CROCC2: variants seen among roughly 807,000 people sequenced by gnomAD.
The protein encoded by CROCC2 is ciliary rootlet coiled-coil protein 2.
Under a neutral mutation model 177.6 loss-of-function variants are expected in CROCC2, and 163 were observed. That is an observed-to-expected ratio of 0.92 (90% confidence interval 0.81 to 1.05). The LOEUF is 1.05. Among genes scored for constraint, CROCC2 ranks in the 50% least tolerant of loss-of-function variants. The pLI, the probability that CROCC2 is intolerant of heterozygous loss-of-function variation, is 0.00. For missense variants in CROCC2, 1,929 were observed against 1,797.8 expected (o/e 1.07, Z -1.32); for synonymous variants, 904 against 787.3 (o/e 1.15, Z -2.48).
At chr2:240,987,711 C>T (rs912841319) in intron 28 of CROCC2, among the ~76,000 whole-genome samples, 1 of 152,252 alleles carries the variant, frequency 6.6e-6, no homozygotes, top group African/African-American at 2.4e-5. Flanking sequence ...CGACAGAGGG[C>T]ATTGGGGCCA....
intron 5 of CROCC2, among the ~76,000 whole-genome samples, chr2:240,926,239 G>A (rs146861299): frequency 6.6e-6 from 1 of 152,362 alleles, no homozygotes; most frequent in African/African-American, 2.4e-5. Flanking sequence ...CTTGGAAGGA[G>A]CCTGGGGCTG....
In CROCC2 at chr2:240,933,351, G is replaced by A; in HGVS notation, c.1463+9G>A. On this transcript the variant is annotated intron_variant, in intron 10 of 31. Transcript: ENST00000690015. ...TGCAAGCTCCTGGGGAGGTAATGGGGTGAAGGGGTTGCACGGCCTTGCACA... is the reference window on the plus strand; with the variant it reads ...TGCAAGCTCCTGGGGAGGTAATGGGATGAAGGGGTTGCACGGCCTTGCACA... 6.6e-7 allele frequency: 1 copy of A among 1,504,522 alleles called. No homozygotes were observed. The highest frequency in any genetic ancestry group is 8.9e-7 in the Non-Finnish European group (1 of 1,129,738). The allele number at this position is 1,504,522 out of a possible 1,614,324, so 93.2% of individuals were successfully genotyped here.
At chr2:240,984,607 C>CACA in intron 28 of CROCC2, among the ~76,000 whole-genome samples, 1 of 126,084 alleles carries the variant, frequency 7.9e-6, no homozygotes. Context: ...TCCACACACA[C>CACA]CCAGGCACTC....
At chr2:240,948,932 G>C in intron 15 of CROCC2, 47 bp from the exon 16 acceptor site, 2 of 1,528,780 alleles carry the variant, frequency 1.3e-6, no homozygotes, top group Non-Finnish European at 1.8e-6. Flanking sequence ...CATTTTACAC[G>C]CAGGATCTTG....
chr2:240,963,432 C>T, intron 20 of CROCC2, 124 bp from the exon 21 acceptor site: 1 of 1,022,708 alleles, frequency 9.8e-7, no homozygotes, highest in Non-Finnish European at 1.4e-6. Flanking sequence ...GAGCAAAGCG[C>T]ATGGGGACCA....
intron 28 of CROCC2, among the ~76,000 whole-genome samples, chr2:240,988,209 AG>A (rs1213268639): frequency 6.6e-6 from 1 of 152,210 alleles, no homozygotes; most frequent in Non-Finnish European, 1.5e-5. Context: ...ACATTGGGGC[AG>A]CCTACAGCCT....
chr2:240,971,917 T>C (rs971136524), intron 27 of CROCC2, among the ~76,000 whole-genome samples: 1 of 152,158 alleles, frequency 6.6e-6, no homozygotes, highest in Non-Finnish European at 1.5e-5. Flanking sequence ...CTGCTGCTCC[T>C]GTCCCCACGG....
intron 21 of CROCC2, 129 bp from the exon 22 acceptor site, chr2:240,964,337 G>A: frequency 8.7e-7 from 1 of 1,144,322 alleles, no homozygotes; most frequent in Non-Finnish European, 1.2e-6. Flanking sequence ...TGCAGAGGCT[G>A]AGTTTGAGGA....
Position 240,993,099 on chromosome 2 carries a change from A to G in CROCC2, c.*18A>G. On this transcript the variant is annotated 3_prime_UTR_variant, in exon 32 of 32. Transcript: ENST00000690015. ...GGGACTGAAGCTCCCAGCACAGGGG[A>G]GGCGCCCAGCGTGGCTGCAGAGGAA... 1 of 716,248 alleles carries G rather than the reference A, an allele frequency of 1.4e-6. No homozygotes were observed. 44.4% of individuals were successfully genotyped at this position (716,248 alleles called of 1,614,324 possible). A position where few individuals can be genotyped will look rare whatever the true frequency, so the allele number is the denominator to read the frequency against.
chr2:240,939,469 C>T (rs1266392080), intron 14 of CROCC2, among the ~76,000 whole-genome samples: 2 of 129,516 alleles, frequency 1.5e-5, no homozygotes, highest in East Asian at 4.3e-4. Flanking sequence ...TCCTTGGAAT[C>T]ATCAGATTTG....
intron 26 of CROCC2, 86 bp from the exon 27 acceptor site, chr2:240,968,043 C>T: frequency 9.3e-6 from 12 of 1,287,088 alleles, no homozygotes; most frequent in Non-Finnish European, 1.2e-5. Flanking sequence ...GGGAGCCAGT[C>T]ACTCAAGTCC....
chr2:240,934,368 G>T lies in CROCC2; in HGVS notation c.1684G>T (p.Gly562Trp), dbSNP rs559293478. Residue 562 changes from glycine to tryptophan, a missense_variant, in exon 12 of 32, where the codon GGG becomes TGG. Gly to Trp is a radical substitution (Grantham distance 184, BLOSUM62 -2). Transcript: ENST00000690015. The part of the protein sequence containing the change: ...RLQQLEEKVS[G>W]LREELASVRE... ...GCAGCAGCTGGAGGAGAAGGTCTCC[G>T]GGCTCAGAGAGGAGCTGGCATCGGT... The T allele has an allele frequency of 7.7e-6, 12 of 1,548,640 alleles. No homozygotes were observed. Among genetic ancestry groups the T allele is most frequent in the Admixed American group, 5.9e-5 (3 of 50,982 alleles).
intron 28 of CROCC2, chr2:240,986,221 G>A (rs990108497): frequency 3.2e-6 from 1 of 308,058 alleles, no homozygotes; most frequent in Non-Finnish European, 6.4e-6. Flanking sequence ...TGGGTCCAAG[G>A]TGCAGGGTGG....
chr2:240,988,864 G>A lies in CROCC2; in HGVS notation c.4677G>A (p.Gln1559=). ...ACGGAGCCCTGAGGCAAAATCAGCA[G>A]CTGCAGGTCAACTGGGCCAGTGGAG... The part of the protein sequence containing the change: ...EVDGALRQNQ[Q]LQAQMTEMEQ... The change falls in exon 29 of 32, where the codon CAG becomes CAA. Residue 1559 remains glutamine (Q), a synonymous_variant. Transcript: ENST00000690015. 1 of 1,480,314 alleles carries A rather than the reference G, an allele frequency of 6.8e-7. No individual in the cohort carries two copies. Among genetic ancestry groups the A allele is most frequent in the Admixed American group, 2.2e-5 (1 of 44,936 alleles). The allele number at this position is 1,480,314 out of a possible 1,614,324, so 91.7% of individuals were successfully genotyped here.
chr2:240,981,391 C>T (rs6437222), intron 27 of CROCC2: 17,576 of 152,310 alleles, frequency 0.12, 1,146 homozygotes, highest in African/African-American at 0.17. Flanking sequence ...ACTGAATCCA[C>T]GTTTTCAAGG....
At position 240,962,018 on chromosome 2, in the gene CROCC2, ACACACACACACGCACG is replaced by A. The variant is rs1311824043; in HGVS notation, c.3088-1530_3088-1515del. Among the ~76,000 whole-genome samples the A allele has an allele frequency of 3.5e-3, 106 of 30,254 alleles. 2 individuals are homozygous for A. Among genetic ancestry groups the A allele is most frequent in the African/African-American group, 7.8e-3 (85 of 10,924 alleles). The allele number at this position is 30,254 out of a possible 152,430, so 19.8% of individuals were successfully genotyped here. A position where few individuals can be genotyped will look rare whatever the true frequency, so the allele number is the denominator to read the frequency against. On this transcript the variant is annotated intron_variant, in intron 20 of 31. Coordinates refer to ENST00000690015, the MANE Select transcript of CROCC2 (RefSeq NM_001351305.2). ...ACACACACACTCATCACCCACACAC[ACACACACACACGCACG>A]CACACACGCGCACACACATACACTC...
rs2106476125 is a variant in CROCC2 at position 240,960,285 on chromosome 2, G to C, written c.3087+841G>C. 6.6e-6 allele frequency among the ~76,000 whole-genome samples: 1 copy of C among 152,338 alleles called. No individual in the cohort carries two copies. Among genetic ancestry groups the C allele is most frequent in the East Asian group, 1.9e-4 (1 of 5,174 alleles). On this transcript the variant is annotated intron_variant, in intron 20 of 31. Transcript: ENST00000690015. This position sits in a 1 kb window ranked among gnomAD's most constrained non-coding sequence, Gnocchi z 5.0. ...TAAGGTCGGGGGAGGCTGGATTTGG[G>C]GCAGCAGGCAAGAAAATAAGTGGGT...
chr2:240,981,037 C>T lies in CROCC2; in HGVS notation c.4402-1843C>T, dbSNP rs552677729. Among the ~76,000 whole-genome samples the T allele has an allele frequency of 9.5e-4, 107 of 112,776 alleles. 16 individuals carry two copies. Among genetic ancestry groups the T allele is most frequent in the African/African-American group, 4.1e-3 (100 of 24,104 alleles). 74.0% of individuals were successfully genotyped at this position (112,776 alleles called of 152,430 possible). ...CTCTGGGGTAGGAGCCTCAGGAGCC[C>T]AGGCTCATCCCTGCTCAGTCTCTGG... On this transcript the variant is annotated intron_variant, in intron 27 of 31. Transcript: ENST00000690015.
rs150298300 is a variant in CROCC2, at chr2:240,913,443, G to A, written c.79-5283G>A. 5.7e-3 allele frequency among the ~76,000 whole-genome samples: 864 copies of A among 152,328 alleles called. 6 individuals are homozygous for A. Among genetic ancestry groups the A allele is most frequent in the African/African-American group, 0.018 (764 of 41,574 alleles). On this transcript the variant is annotated intron_variant, in intron 1 of 31. Coordinates refer to ENST00000690015, the MANE Select transcript of CROCC2 (RefSeq NM_001351305.2). ...CTTGTTCTGAGTCATTTTGCCATTG[G>A]TGATTCGGACCTGAGGCAGTTCCAG...
Sources: allele counts gnomAD v4.1 joint callset (sites outside exome capture counted in the v4.1 genomes callset), GRCh38; gene constraint gnomAD v4.1.1; non-coding constraint Gnocchi (gnomAD v3.1); transcripts MANE v1.5; gene names NCBI Gene and HGNC (gene_info 2026-07-23, HGNC 2026-07-21).